Variants in EPG5 observed in about 807,000 individuals in gnomAD.
The protein encoded by EPG5 is ectopic P-granules 5 autophagy tethering factor.
Under a neutral mutation model 302.7 loss-of-function variants are expected in EPG5, and 159 were observed. That is an observed-to-expected ratio of 0.53 (90% CI 0.46 to 0.60). EPG5 has a LOEUF of 0.60. EPG5 is among the 20% of genes least tolerant of loss of function. EPG5 has a pLI of 0.00. For missense variants in EPG5, 2,896 were observed against 3,092.4 expected, an observed-to-expected ratio of 0.94 and a Z score of 1.51; for synonymous variants, 1,158 against 1,136.8, an observed-to-expected ratio of 1.02 and a Z score of -0.37.
chr18:45,953,191 G>T, intron 2 of EPG5: 2 of 685,646 alleles, frequency 2.9e-6, no homozygotes, highest in Non-Finnish European at 1.8e-6. Context: ...GTAGTAGTCA[G>T]CAGTGAAAGC....
At chr18:45,891,238 C>T (rs898659744) in intron 27 of EPG5, among the ~76,000 whole-genome samples, 1 of 151,842 alleles carries the variant, frequency 6.6e-6, no homozygotes, top group Admixed American at 6.6e-5. Flanking sequence ...GTGGCTCACA[C>T]CTGTAATCCC....
At chr18:45,856,624 G>A (rs975097914) in intron 42 of EPG5, among the ~76,000 whole-genome samples, 7 of 152,092 alleles carry the variant, frequency 4.6e-5, no homozygotes, top group Non-Finnish European at 1.5e-5. Context: ...ACAAAATCTC[G>A]CAGTCCTGCT....
intron 4 of EPG5, 21 bp from the exon 5 acceptor site, chr18:45,949,612 G>A: frequency 6.8e-6 from 10 of 1,475,574 alleles, no homozygotes; most frequent in Non-Finnish European, 8.5e-6. Context: ...AAGGTCATAT[G>A]ATCTCACTAT....
chr18:45,919,040 T>A (rs1449523112), intron 16 of EPG5, among the ~76,000 whole-genome samples: 1 of 152,124 alleles, frequency 6.6e-6, no homozygotes, highest in East Asian at 1.9e-4. Flanking sequence ...TATAAAATTA[T>A]ACATACATCT....
chr18:45,853,710 G>A (rs1289369523), intron 43 of EPG5, among the ~76,000 whole-genome samples: 1 of 152,206 alleles, frequency 6.6e-6, no homozygotes, highest in Non-Finnish European at 1.5e-5. Context: ...TAACTACCAG[G>A]AGGGCTGTAG....
intron 26 of EPG5, among the ~76,000 whole-genome samples, chr18:45,900,449 A>G (rs1037140237): frequency 6.6e-6 from 1 of 152,060 alleles, no homozygotes; most frequent in African/African-American, 2.4e-5. Flanking sequence ...AGGATTTGTA[A>G]AAGTAAGGCT....
In EPG5 at chr18:45,852,173, A is replaced by G. The variant is rs1287973545; in HGVS notation, c.*294T>C. On this transcript the variant is annotated 3_prime_UTR_variant, in exon 44 of 44. Transcript: ENST00000282041. ...GGAGGTCTTGTGAGATGACTGGGACATTCGGCAACTGTGAGTGGCTCTGCA... is the reference window on the plus strand; with the variant it reads ...GGAGGTCTTGTGAGATGACTGGGACGTTCGGCAACTGTGAGTGGCTCTGCA... 2 of 242,404 alleles carry G rather than the reference A, an allele frequency of 8.3e-6. No homozygotes were observed. Among genetic ancestry groups the G allele is most frequent in the East Asian group, 1.7e-4 (2 of 11,916 alleles). The allele number at this position is 242,404 out of a possible 1,614,324, so 15.0% of individuals were successfully genotyped here.
downstream of EPG5, among the ~76,000 whole-genome samples, chr18:45,844,746 A>G (rs1487259320): frequency 3.3e-5 from 5 of 152,256 alleles, no homozygotes; most frequent in African/African-American, 1.2e-4. Context: ...CTGAGCTGTT[A>G]AGAGGTCACA....
chr18:45,849,664 A>T lies in EPG5; in HGVS notation c.*2803T>A, dbSNP rs1264311956. Reference sequence around the variant, plus strand: ...AAGTTAGGCTGGTCTATGGGTTTTCATTTTCTGGACTAGGCTTTCCCCAAC... The same window carrying T: ...AAGTTAGGCTGGTCTATGGGTTTTCTTTTTCTGGACTAGGCTTTCCCCAAC... On this transcript the variant is annotated 3_prime_UTR_variant, in exon 44 of 44. Coordinates refer to ENST00000282041, the MANE Select transcript of EPG5 (RefSeq NM_020964.3). 6.6e-6 allele frequency: 1 copy of T among 152,156 alleles called. No homozygotes were observed. The highest frequency in any genetic ancestry group is 1.5e-5 in the Non-Finnish European group (1 of 68,054). 9.4% of individuals were successfully genotyped at this position (152,156 alleles called of 1,614,324 possible).
chr18:45,943,293 G>T lies in EPG5; in HGVS notation c.1811C>A (p.Thr604Lys). 1.2e-6 allele frequency: 2 copies of T among 1,613,902 alleles called. No homozygotes were observed. The highest frequency in any genetic ancestry group is 1.7e-6 in the Non-Finnish European group (2 of 1,179,900). Residue 604 changes from threonine (T) to lysine (K), a missense_variant, in exon 9 of 44, where the codon ACA (threonine) becomes AAA (lysine). Physicochemically the swap from Thr to Lys is moderately conservative, Grantham distance 78 (BLOSUM62 -1). Coordinates refer to ENST00000282041, the MANE Select transcript of EPG5 (RefSeq NM_020964.3). ...TTTCATCATCTCTTGAGGTCTTGTT[G>T]TTTCAGGTAAATAATCACCTAGAAG... is the stretch of plus-strand genomic sequence containing the variant. ...FKAKGDYLPE[T>K]TRPQEMMKIF...
intron 1 of EPG5, among the ~76,000 whole-genome samples, chr18:45,961,468 T>C (rs1028562677): frequency 6.6e-6 from 1 of 152,172 alleles, no homozygotes; most frequent in Non-Finnish European, 1.5e-5. Context: ...AGACAGCCTT[T>C]TCCTGGCTAG....
chr18:45,834,126 C>T, the EPG5 span, among the ~76,000 whole-genome samples: 2 of 152,166 alleles, frequency 1.3e-5, no homozygotes, highest in African/African-American at 4.8e-5. Context: ...CAGTCCCCTC[C>T]CTTTCTCAAG....
At chr18:45,911,074 T>A (rs892317409) in intron 22 of EPG5, among the ~76,000 whole-genome samples, 1 of 126,786 alleles carries the variant, frequency 7.9e-6, no homozygotes, top group Non-Finnish European at 1.6e-5. Context: ...TATCTATCTA[T>A]CTATACACAC....
the EPG5 span, among the ~76,000 whole-genome samples, chr18:45,833,419 C>A: frequency 1.3e-5 from 2 of 152,146 alleles, no homozygotes. Flanking sequence ...TGGGCTCAAG[C>A]AATCTCATGC....
chr18:45,875,524 G>A (rs1437664117), intron 35 of EPG5, among the ~76,000 whole-genome samples: 1 of 152,088 alleles, frequency 6.6e-6, no homozygotes, highest in Non-Finnish European at 1.5e-5. Context: ...AAATTCAATT[G>A]ATATATTTTA....
In EPG5 at chr18:45,848,368, A is replaced by C. The variant is rs2048383629; in HGVS notation, c.*4099T>G. The C allele has an allele frequency of 6.6e-6, 1 of 152,274 alleles. No individual in the cohort carries two copies. The highest frequency in any genetic ancestry group is 2.4e-5 in the African/African-American group (1 of 41,472). 9.4% of individuals were successfully genotyped at this position (152,274 alleles called of 1,614,324 possible). On this transcript the variant is annotated 3_prime_UTR_variant, in exon 44 of 44. Transcript: ENST00000282041. Reference sequence around the variant, plus strand: ...AAAGTGCCTTGTTGTTAGGCCTGTCATGAAGATGTGGGGTGAGATCTGTCT... The same window carrying C: ...AAAGTGCCTTGTTGTTAGGCCTGTCCTGAAGATGTGGGGTGAGATCTGTCT...
chr18:45,827,497 A>G, the EPG5 span, among the ~76,000 whole-genome samples: 3 of 152,204 alleles, frequency 2.0e-5, no homozygotes, highest in Admixed American at 6.5e-5. Context: ...CAAGTGGTCA[A>G]TGGGAGAGGG....
chr18:45,804,459 G>A, the EPG5 span, among the ~76,000 whole-genome samples: 2 of 152,070 alleles, frequency 1.3e-5, no homozygotes, highest in African/African-American at 4.8e-5. Flanking sequence ...TTAAATAAAA[G>A]AAAAACATGC....
chr18:45,948,644 A>C (rs896468681), intron 5 of EPG5, 68 bp from the exon 6 acceptor site: 34 of 1,312,186 alleles, frequency 2.6e-5, no homozygotes, highest in Non-Finnish European at 3.4e-5. Flanking sequence ...ATCTTGGTTC[A>C]CAAGCATTCT....
Sources: gnomAD v4.1 joint callset for allele counts (sites outside exome capture counted in the v4.1 genomes callset) on GRCh38, gnomAD v4.1.1 for gene constraint, MANE v1.5 for transcripts, NCBI Gene and HGNC (gene_info 2026-07-23, HGNC 2026-07-21) for gene names.